Variants in PPP3CB observed in about 807,000 individuals in gnomAD.
The protein encoded by PPP3CB is serine/threonine-protein phosphatase 2B catalytic subunit beta isoform.
A neutral mutation model predicts 66.4 loss-of-function variants in PPP3CB; 8 were observed. The ratio of observed to expected loss-of-function variants is 0.12; its 90% CI spans 0.07 to 0.22. PPP3CB has a LOEUF of 0.22. PPP3CB is among the 10% of genes least tolerant of loss of function. The pLI is 1.00. For missense variants in PPP3CB, 319 were observed against 642.5 expected (o/e 0.50, Z 5.44); for synonymous variants, 208 against 221.2 (o/e 0.94, Z 0.53).
intron 1 of PPP3CB, among the ~76,000 whole-genome samples, chr10:73,484,847 G>A (rs2056946678): frequency 6.6e-6 from 1 of 151,848 alleles, no homozygotes; most frequent in African/African-American, 2.4e-5. Flanking sequence ...AGGTCAGGAG[G>A]TCAAGACCAG....
At position 73,471,100 on chromosome 10, in the gene PPP3CB, T is replaced by C. The variant is rs1361529412; in HGVS notation, c.779A>G (p.Asn260Ser). ...NEKSQEHFSH[N>S]TVRGCSYFYN... ...AAAATAAGAACATCCTCGAACTGTA[T>C]TGTGACTAAAATGTTCCTGTGATTT... Residue 260 changes from asparagine to serine, a missense_variant, in exon 6 of 14, where the codon AAT becomes AGT. This residue lies in a region of PPP3CB where 120 missense variants were observed against 331.2 expected (regional missense o/e 0.36). Transcript: ENST00000360663. The C allele has an allele frequency of 1.2e-6, 2 of 1,611,322 alleles. No individual in the cohort carries two copies. Among genetic ancestry groups the C allele is most frequent in the Non-Finnish European group, 1.7e-6 (2 of 1,177,808 alleles).
intron 11 of PPP3CB, among the ~76,000 whole-genome samples, chr10:73,445,115 G>A (rs2056226349): frequency 6.6e-6 from 1 of 152,126 alleles, no homozygotes. Context: ...CATATGCTCT[G>A]AAGTTCAAAT....
intron 1 of PPP3CB, 99 bp from the exon 2 acceptor site, chr10:73,479,616 G>A (rs2056843146): frequency 8.6e-7 from 1 of 1,164,936 alleles, no homozygotes; most frequent in African/African-American, 1.6e-5. Flanking sequence ...TGTAAAGCAG[G>A]GATTTTTCTT....
intron 9 of PPP3CB, among the ~76,000 whole-genome samples, chr10:73,461,557 AT>A (rs2056521684): frequency 6.6e-6 from 1 of 152,010 alleles, no homozygotes; most frequent in African/African-American, 2.4e-5. Context: ...AGGAATGTTT[AT>A]TTTATCCAAT....
At chr10:73,472,573 G>A (rs1329825503) in intron 4 of PPP3CB, among the ~76,000 whole-genome samples, 2 of 150,558 alleles carry the variant, frequency 1.3e-5, no homozygotes, top group East Asian at 3.9e-4. Context: ...GGCAAAATTA[G>A]AACTGTACTT....
chr10:73,465,648 A>G (rs1488667898), intron 9 of PPP3CB, among the ~76,000 whole-genome samples: 1 of 152,238 alleles, frequency 6.6e-6, no homozygotes, highest in Non-Finnish European at 1.5e-5. Context: ...TCAGCCTTTC[A>G]GGAAGCCTCT....
In PPP3CB at chr10:73,457,349, C is replaced by A. The variant is rs577713522; in HGVS notation, c.1109-2860G>T. ...CTACTTGGAAGGCCATGCGGTAAGA[C>A]TGCCTGAGTCCAGGAGTTTGAGATT... On this transcript the variant is annotated intron_variant, in intron 9 of 13. Coordinates refer to ENST00000360663, the MANE Select transcript of PPP3CB (RefSeq NM_021132.4). 2.9e-4 allele frequency among the ~76,000 whole-genome samples: 41 copies of A among 141,346 alleles called. No homozygotes were observed. The South Asian group carries it at 9.8e-3, about 34-fold the overall frequency. The allele number at this position is 141,346 out of a possible 152,430, so 92.7% of individuals were successfully genotyped here. A position where few individuals can be genotyped will look rare whatever the true frequency, so the allele number is the denominator to read the frequency against.
At chr10:73,493,925 A>G (rs547099749) in intron 1 of PPP3CB, among the ~76,000 whole-genome samples, 56 of 152,326 alleles carry the variant, frequency 3.7e-4, no homozygotes, top group African/African-American at 1.3e-3. Flanking sequence ...AGCAGTACAG[A>G]AAAAACATTA....
At chr10:73,485,568 G>A (rs2056957803) in intron 1 of PPP3CB, among the ~76,000 whole-genome samples, 1 of 152,050 alleles carries the variant, frequency 6.6e-6, no homozygotes. Context: ...TGCCATCCTT[G>A]GCAACTATCC....
chr10:73,446,412 T>C, intron 11 of PPP3CB, 80 bp downstream of exon 11: 1 of 1,430,256 alleles, frequency 7.0e-7, no homozygotes, highest in Non-Finnish European at 9.8e-7. Context: ...ATTTTGCTTT[T>C]AGATGCGGGA....
At chr10:73,448,451 G>A (rs1305898231) in intron 10 of PPP3CB, among the ~76,000 whole-genome samples, 1 of 152,032 alleles carries the variant, frequency 6.6e-6, no homozygotes, top group Admixed American at 6.6e-5. Flanking sequence ...ATGAAAAGGA[G>A]GGAAAATATT....
chr10:73,456,352 C>G (rs1047527692), intron 9 of PPP3CB, among the ~76,000 whole-genome samples: 1 of 152,052 alleles, frequency 6.6e-6, no homozygotes, highest in African/African-American at 2.4e-5. Flanking sequence ...TGCAAAAGAC[C>G]TGCTGGGGAA....
At chr10:73,445,246 C>A (rs2056227739) in intron 11 of PPP3CB, among the ~76,000 whole-genome samples, 1 of 152,180 alleles carries the variant, frequency 6.6e-6, no homozygotes, top group African/African-American at 2.4e-5. Context: ...GCACAAGGGA[C>A]TTCCTATATG....
In PPP3CB at chr10:73,441,585, C is replaced by T. The variant is rs538525725; in HGVS notation, c.1367-1684G>A. On this transcript the variant is annotated intron_variant, in intron 12 of 13. Transcript: ENST00000360663. ...GCACTATTTCTCCTCTATTTGTTTT[C>T]AGTTATATAGGGCATCTTGTCATGG... Among the ~76,000 whole-genome samples, 3 of 152,264 alleles carry T rather than the reference C, an allele frequency of 2.0e-5. 1 individual carries two copies. The South Asian group carries it at 6.2e-4, about 32-fold the overall frequency.
In PPP3CB at chr10:73,478,553, A is replaced by G; in HGVS notation, c.357T>C (p.Asn119=). Reference sequence around the variant, plus strand: ...AATCGCCAAGAAAAAGGTATCGTGTATTAGCAGGTGATCCTCCTACTTCAA... The same window carrying G: ...AATCGCCAAGAAAAAGGTATCGTGTGTTAGCAGGTGATCCTCCTACTTCAA... ...KLFEVGGSPA[N]TRYLFLGDYV... The change falls in exon 3 of 14, where the codon AAT becomes AAC. Residue 119 remains asparagine, a synonymous_variant. Transcript: ENST00000360663. The G allele has an allele frequency of 1.2e-6, 2 of 1,609,692 alleles. No individual in the cohort carries two copies. The highest frequency in any genetic ancestry group is 1.3e-5 in the African/African-American group (1 of 74,966).
At chr10:73,495,754 C>G (rs1002723842) in intron 1 of PPP3CB, 51 bp downstream of exon 1, 3 of 1,547,968 alleles carry the variant, frequency 1.9e-6, no homozygotes, top group Non-Finnish European at 2.6e-6. Context: ...CCCGCCCTCA[C>G]ACACAGCTAG....
At chr10:73,460,153 G>A (rs1341270933) in intron 9 of PPP3CB, among the ~76,000 whole-genome samples, 1 of 151,438 alleles carries the variant, frequency 6.6e-6, no homozygotes, top group Non-Finnish European at 1.5e-5. Context: ...GACAGGTTAA[G>A]GTTTATCTCG....
At position 73,441,438 on chromosome 10, in the gene PPP3CB, A is replaced by C. The variant is rs376988393; in HGVS notation, c.1367-1537T>G. Among the ~76,000 whole-genome samples the C allele has an allele frequency of 3.3e-3, 507 of 152,208 alleles. 1 individual carries two copies. The highest frequency in any genetic ancestry group is 8.9e-3 in the African/African-American group (369 of 41,512). Reference sequence around the variant, plus strand: ...ACATAGAGAGACCTCATCTCCCCCCAAAAAAAGTTTAAAAAATTAGCCGGG... The same window carrying C: ...ACATAGAGAGACCTCATCTCCCCCCCAAAAAAGTTTAAAAAATTAGCCGGG... On this transcript the variant is annotated intron_variant, in intron 12 of 13. Transcript: ENST00000360663.
intron 1 of PPP3CB, among the ~76,000 whole-genome samples, chr10:73,479,995 C>CA (rs374889150): frequency 2.0e-5 from 3 of 151,438 alleles, no homozygotes; most frequent in Non-Finnish European, 2.9e-5. Context: ...GACACCATCT[C>CA]AAAAAAAACC....
Sources: allele counts gnomAD v4.1 joint callset (sites outside exome capture counted in the v4.1 genomes callset), GRCh38; gene constraint gnomAD v4.1.1; regional missense constraint gnomAD v4.1.1; transcripts MANE v1.5; gene names NCBI Gene and HGNC (gene_info 2026-07-23, HGNC 2026-07-21).